The following GSG1L variants were observed in gnomAD, a reference collection of about 807,000 sequenced individuals.
GSG1L encodes GSG1 like, also known as germ cell-specific gene 1-like protein.
Under a neutral mutation model 42.1 loss-of-function variants are expected in GSG1L, and 24 were observed. The observed-to-expected ratio is 0.57, with a 90% CI of 0.41 to 0.80. The LOEUF (loss-of-function observed/expected upper bound fraction) is 0.80, where lower values mean the gene tolerates loss of function less well. Among genes scored for constraint, GSG1L ranks in the 30% least tolerant of loss-of-function variants. The probability of loss-of-function intolerance (pLI) is 0.00; values close to 1 mark genes in which losing one functional copy is unlikely to be tolerated. For synonymous variants in GSG1L, 215 were observed against 203.5 expected, an observed-to-expected ratio of 1.06 and a Z score of -0.48; for missense variants, 445 against 472.2, an observed-to-expected ratio of 0.94 and a Z score of 0.53.
At chr16:27,899,598 T>G (rs1266360434) in intron 2 of GSG1L, among the ~76,000 whole-genome samples, 1 of 152,118 alleles carries the variant, frequency 6.6e-6, no homozygotes, top group East Asian at 1.9e-4. Flanking sequence ...GCACCTGTGG[T>G]GGTAGCCACT....
chr16:27,858,072 T>C (rs1455539946), intron 3 of GSG1L, among the ~76,000 whole-genome samples: 1 of 152,210 alleles, frequency 6.6e-6, no homozygotes, highest in Non-Finnish European at 1.5e-5. Context: ...TTCGCTGAAA[T>C]GCAAATCCAA....
At chr16:28,061,046 G>A (rs889116129) in intron 1 of GSG1L, among the ~76,000 whole-genome samples, 5 of 152,120 alleles carry the variant, frequency 3.3e-5, no homozygotes, top group African/African-American at 1.2e-4. Context: ...GTAGAGACAG[G>A]ACCACTCCGG....
At chr16:28,025,010 C>T (rs1407001613) in intron 1 of GSG1L, among the ~76,000 whole-genome samples, 2 of 152,194 alleles carry the variant, frequency 1.3e-5, no homozygotes, top group African/African-American at 4.8e-5. Context: ...TATTTCCCAC[C>T]CGGGGGCTCA....
intron 2 of GSG1L, among the ~76,000 whole-genome samples, chr16:27,960,606 A>G (rs923522877): frequency 3.0e-4 from 46 of 152,174 alleles, no homozygotes; most frequent in African/African-American, 1.1e-3. Flanking sequence ...CTCTGCCCTC[A>G]GATTCCTCTG....
rs371854146 is a variant in GSG1L, at chr16:27,812,967, A to G, written c.831-5413T>C. On this transcript the variant is annotated intron_variant, in intron 5 of 6. Coordinates refer to ENST00000447459, the MANE Select transcript of GSG1L (RefSeq NM_001109763.2). ...GCTACTTTTTGTAGTTTTAGTAGAG[A>G]CGGGGTTTCACCATGCTGCCCAGGC... 9.9e-5 allele frequency among the ~76,000 whole-genome samples: 15 copies of G among 152,068 alleles called. 1 individual carries two copies. The highest frequency in any genetic ancestry group is 6.5e-4 in the Admixed American group (10 of 15,280).
intron 3 of GSG1L, among the ~76,000 whole-genome samples, chr16:27,865,523 CTA>C (rs1172385916): frequency 3.9e-3 from 226 of 58,250 alleles, no homozygotes; most frequent in Non-Finnish European, 5.1e-3. Flanking sequence ...CTCTCTCTTT[CTA>C]TATATATATA....
intron 3 of GSG1L, chr16:27,850,743 G>C (rs1265058366): frequency 8.9e-6 from 3 of 335,512 alleles, no homozygotes; most frequent in East Asian, 7.9e-5. Context: ...GCTCAGGAAG[G>C]CATTTTATTT....
chr16:28,045,218 G>A (rs2086148165), intron 1 of GSG1L, among the ~76,000 whole-genome samples: 1 of 152,192 alleles, frequency 6.6e-6, no homozygotes, highest in South Asian at 2.1e-4. Flanking sequence ...CGTGGACTTT[G>A]GGTGATAGTG....
intron 2 of GSG1L, among the ~76,000 whole-genome samples, chr16:27,915,902 G>A (rs759647711): frequency 1.2e-4 from 19 of 152,148 alleles, no homozygotes; most frequent in South Asian, 4.1e-4. Flanking sequence ...GCCACTTACC[G>A]GGTGGGGCCC....
At chr16:27,891,733 A>G (rs933772308) in intron 2 of GSG1L, among the ~76,000 whole-genome samples, 35 of 152,056 alleles carry the variant, frequency 2.3e-4, no homozygotes, top group African/African-American at 7.7e-4. Flanking sequence ...TCAGCCTCCC[A>G]AAGCACTGGA....
At chr16:27,817,911 A>C (rs1184845283) in intron 5 of GSG1L, among the ~76,000 whole-genome samples, 1 of 151,764 alleles carries the variant, frequency 6.6e-6, no homozygotes, top group Non-Finnish European at 1.5e-5. Context: ...GGCCACATCC[A>C]CCTCCTGACC....
intron 6 of GSG1L, among the ~76,000 whole-genome samples, chr16:27,795,822 T>C (rs1429665971): frequency 1.3e-5 from 2 of 152,068 alleles, no homozygotes; most frequent in Non-Finnish European, 2.9e-5. Context: ...TAACATCAGA[T>C]CTCCTCCAGC....
chr16:27,792,858 G>A (rs1227900008), intron 6 of GSG1L, among the ~76,000 whole-genome samples: 3 of 152,236 alleles, frequency 2.0e-5, no homozygotes, highest in African/African-American at 7.2e-5. Context: ...CTGAGCATGT[G>A]CAGCTCCAGA....
intron 6 of GSG1L, among the ~76,000 whole-genome samples, chr16:27,803,662 A>G (rs2082909800): frequency 1.3e-5 from 2 of 151,792 alleles, no homozygotes; most frequent in South Asian, 2.1e-4. Flanking sequence ...CATGTCTCCC[A>G]AGAACGACTG....
intron 1 of GSG1L, among the ~76,000 whole-genome samples, chr16:27,971,938 C>T (rs908301970): frequency 1.3e-5 from 2 of 152,200 alleles, no homozygotes; most frequent in Non-Finnish European, 2.9e-5. Context: ...AGGGTCTGAA[C>T]TTTCGGTGAC....
chr16:27,856,733 T>C (rs2083583284), intron 3 of GSG1L, among the ~76,000 whole-genome samples: 1 of 152,248 alleles, frequency 6.6e-6, no homozygotes, highest in Admixed American at 6.5e-5. Flanking sequence ...GAATTTATGT[T>C]GTGAGAACAG....
At chr16:28,037,518 G>A (rs1204159828) in intron 1 of GSG1L, among the ~76,000 whole-genome samples, 1 of 152,098 alleles carries the variant, frequency 6.6e-6, no homozygotes, top group African/African-American at 2.4e-5. Flanking sequence ...CCCTACTAGG[G>A]CAGAGAAGAG....
intron 1 of GSG1L, among the ~76,000 whole-genome samples, chr16:27,973,756 C>G (rs968026982): frequency 8.5e-5 from 13 of 152,158 alleles, no homozygotes; most frequent in African/African-American, 3.1e-4. Context: ...ATGAAGATCA[C>G]CAACGCTGGT....
chr16:27,869,505 GTC>G (rs1304491703), intron 3 of GSG1L, among the ~76,000 whole-genome samples: 2 of 111,306 alleles, frequency 1.8e-5, no homozygotes, highest in East Asian at 5.8e-4. Context: ...CTCTCTCTCT[GTC>G]TCTGTCTCCA....
Sources: allele counts gnomAD v4.1 joint callset (sites outside exome capture counted in the v4.1 genomes callset), GRCh38; gene constraint gnomAD v4.1.1; transcripts MANE v1.5; gene names NCBI Gene and HGNC (gene_info 2026-07-23, HGNC 2026-07-21).